DCDC1: variants seen among roughly 807,000 people sequenced by gnomAD.
DCDC1 encodes doublecortin domain containing 1.
A neutral mutation model predicts 178.3 loss-of-function variants in DCDC1; 200 were observed. That is an observed-to-expected ratio of 1.12 (90% CI 1.00 to 1.26). DCDC1 has a LOEUF of 1.26. Among genes scored for constraint, DCDC1 ranks in the 50% most tolerant of loss-of-function variants. The pLI, the probability that DCDC1 is intolerant of heterozygous loss-of-function variation, is 0.00. For missense variants in DCDC1, 1,983 were observed against 1,749.2 expected (o/e 1.13, Z -2.38); for synonymous variants, 690 against 604.8 (o/e 1.14, Z -2.07).
chr11:31,165,315 T>C (rs1256501352), intron 9 of DCDC1, among the ~76,000 whole-genome samples: 1 of 152,160 alleles, frequency 6.6e-6, no homozygotes, highest in Non-Finnish European at 1.5e-5. Flanking sequence ...TGAACAACTT[T>C]TTATATGTTT....
chr11:30,877,948 T>C (rs1438935187), intron 38 of DCDC1, among the ~76,000 whole-genome samples: 1 of 152,166 alleles, frequency 6.6e-6, no homozygotes, highest in Admixed American at 6.6e-5. Flanking sequence ...TGATGGAATG[T>C]TCGATTATAT....
chr11:30,893,103 G>A (rs1212917769), intron 35 of DCDC1, 106 bp from the exon 36 acceptor site: 1 of 1,324,702 alleles, frequency 7.5e-7, no homozygotes, highest in Non-Finnish European at 1.0e-6. Context: ...TAAATTATAT[G>A]GAAAAAATTT....
intron 6 of DCDC1, among the ~76,000 whole-genome samples, chr11:31,292,733 T>C (rs1236787775): frequency 6.6e-6 from 1 of 152,078 alleles, no homozygotes; most frequent in African/African-American, 2.4e-5. Flanking sequence ...TGCTACTAAA[T>C]TGCTCACTTT....
chr11:31,235,151 T>A (rs1976294664), intron 9 of DCDC1, among the ~76,000 whole-genome samples: 1 of 152,122 alleles, frequency 6.6e-6, no homozygotes, highest in African/African-American at 2.4e-5. Context: ...AGTGGGGATA[T>A]AACATTAGGA....
intron 25 of DCDC1, among the ~76,000 whole-genome samples, chr11:30,918,633 G>A (rs1946029668): frequency 6.6e-6 from 1 of 152,140 alleles, no homozygotes; most frequent in Non-Finnish European, 1.5e-5. Flanking sequence ...TCTAGAGGGA[G>A]AGCATTCCAA....
At chr11:31,060,292 T>G (rs1250413942) in intron 20 of DCDC1, among the ~76,000 whole-genome samples, 2 of 152,058 alleles carry the variant, frequency 1.3e-5, no homozygotes, top group Non-Finnish European at 2.9e-5. Flanking sequence ...TAAAACTCAC[T>G]CAGGAATTAT....
chr11:30,956,192 T>A (rs1256963259), intron 20 of DCDC1, among the ~76,000 whole-genome samples: 4 of 152,174 alleles, frequency 2.6e-5, no homozygotes, highest in African/African-American at 4.8e-5. Flanking sequence ...AAAGTATATT[T>A]TACAAAATGA....
At chr11:31,118,509 G>C (rs1960310985) in intron 11 of DCDC1, among the ~76,000 whole-genome samples, 2 of 152,106 alleles carry the variant, frequency 1.3e-5, no homozygotes, top group Admixed American at 1.3e-4. Flanking sequence ...TGGTGAGTCA[G>C]ACTAACATAG....
intron 20 of DCDC1, among the ~76,000 whole-genome samples, chr11:30,991,058 CAG>C (rs1323465074): frequency 6.6e-6 from 1 of 152,092 alleles, no homozygotes; most frequent in Non-Finnish European, 1.5e-5. Flanking sequence ...TAGGTGCTGC[CAG>C]AGAGTGAGGC....
intron 20 of DCDC1, among the ~76,000 whole-genome samples, chr11:30,960,629 G>A (rs560501891): frequency 1.2e-4 from 18 of 152,190 alleles, no homozygotes; most frequent in East Asian, 3.9e-4. Flanking sequence ...CAGCCTTTTC[G>A]TAGTCCCCTG....
intron 2 of DCDC1, among the ~76,000 whole-genome samples, chr11:31,331,534 T>C (rs965526915): frequency 1.3e-5 from 2 of 152,200 alleles, no homozygotes; most frequent in African/African-American, 4.8e-5. Flanking sequence ...TAAATAGCTC[T>C]TATTATTTTG....
chr11:31,026,608 C>T (rs1318460777), intron 20 of DCDC1, among the ~76,000 whole-genome samples: 2 of 151,792 alleles, frequency 1.3e-5, no homozygotes, highest in African/African-American at 4.8e-5. Context: ...AAAATTACAG[C>T]AAGTGCTGCA....
chr11:31,247,606 T>C (rs113315888), intron 8 of DCDC1, among the ~76,000 whole-genome samples: 1,869 of 152,076 alleles, frequency 0.012, 19 homozygotes, highest in Middle Eastern at 0.085. Flanking sequence ...TTACTGATTC[T>C]GAATAGGGCC....
At chr11:31,217,950 G>T (rs1222501991) in intron 9 of DCDC1, among the ~76,000 whole-genome samples, 1 of 151,856 alleles carries the variant, frequency 6.6e-6, no homozygotes, top group Non-Finnish European at 1.5e-5. Flanking sequence ...AATCTGTTTT[G>T]GCTATTGGCT....
chr11:31,229,079 CTA>C (rs1975406415), intron 9 of DCDC1, among the ~76,000 whole-genome samples: 1 of 152,004 alleles, frequency 6.6e-6, no homozygotes. Context: ...AAATAAATAA[CTA>C]TATGTCTACT....
intron 2 of DCDC1, among the ~76,000 whole-genome samples, chr11:31,334,924 G>C (rs2133157978): frequency 6.6e-6 from 1 of 152,270 alleles, no homozygotes; most frequent in Middle Eastern, 3.4e-3. Context: ...GAGAACCACT[G>C]TTCTCTTCAG....
At position 30,972,956 on chromosome 11, in the gene DCDC1, C is replaced by A. The variant is rs542645017; in HGVS notation, c.2592-20388G>T. Among the ~76,000 whole-genome samples, 86 of 152,100 alleles carry A rather than the reference C, an allele frequency of 5.7e-4. 1 individual carries two copies. Among genetic ancestry groups the A allele is most frequent in the Non-Finnish European group, 9.1e-4 (62 of 67,962 alleles). ...GTGCTGTCCTCTTGTTAAGAGTTCT[C>A]ACAACATCTGCTTGTTTAAAAGTAT... On this transcript the variant is annotated intron_variant, in intron 20 of 38. Transcript: ENST00000684477.
At chr11:31,338,420 G>A (rs1391215894) in intron 1 of DCDC1, among the ~76,000 whole-genome samples, 1 of 152,170 alleles carries the variant, frequency 6.6e-6, no homozygotes, top group African/African-American at 2.4e-5. Context: ...ATAATTAAAA[G>A]CTAGAACAGG....
In DCDC1 at chr11:30,884,048, T is replaced by TTTTTTTTTTTTTTTTTTA. The variant is rs1565023355; in HGVS notation, c.5083-2741_5083-2740insTAAAAAAAAAAAAAAAAA. Among the ~76,000 whole-genome samples the TTTTTTTTTTTTTTTTTTA allele has an allele frequency of 3.4e-5, 5 of 147,294 alleles. 1 individual carries two copies. Among genetic ancestry groups the TTTTTTTTTTTTTTTTTTA allele is most frequent in the Admixed American group, 6.8e-5 (1 of 14,658 alleles). On this transcript the variant is annotated intron_variant, in intron 36 of 38. Transcript: ENST00000684477. Reference sequence around the variant, plus strand: ...ATTCTTTCTCATTTTTTTTTTTTTTTGAGACAGGGTCTCACTCTGTCACCT... The same window carrying TTTTTTTTTTTTTTTTTTA: ...ATTCTTTCTCATTTTTTTTTTTTTTTTTTTTTTTTTTTTTTTTAGAGACAGGGTCTCACTCTGTCACCT...
Sources: gnomAD v4.1 joint callset for allele counts (sites outside exome capture counted in the v4.1 genomes callset) on GRCh38, gnomAD v4.1.1 for gene constraint, MANE v1.5 for transcripts, NCBI Gene and HGNC (gene_info 2026-07-23, HGNC 2026-07-21) for gene names.